TNNI3K: variants seen among roughly 807,000 people sequenced by gnomAD.
TNNI3K encodes the protein serine/threonine-protein kinase TNNI3K.
Under a neutral mutation model 114.5 loss-of-function variants are expected in TNNI3K, and 140 were observed. That is an observed-to-expected ratio of 1.22 (90% CI 1.07 to 1.41). The LOEUF (loss-of-function observed/expected upper bound fraction) is 1.41, where lower values mean the gene tolerates loss of function less well. Ranked by LOEUF, TNNI3K falls within the 40% of genes most tolerant of loss-of-function variation. The pLI is 0.00. For missense variants in TNNI3K, 1,125 were observed against 1,007.6 expected (o/e 1.12, Z -1.58); for synonymous variants, 347 against 347.5 (o/e 1.00, Z 0.02).
At chr1:74,285,510 T>C (rs1226902624) in intron 5 of TNNI3K, among the ~76,000 whole-genome samples, 1 of 118,064 alleles carries the variant, frequency 8.5e-6, no homozygotes, top group East Asian at 2.5e-4. Context: ...AGTTTTTCTA[T>C]GCTCTGAACA....
intron 23 of TNNI3K, among the ~76,000 whole-genome samples, chr1:74,529,807 T>C (rs1406253368): frequency 6.6e-6 from 1 of 152,220 alleles, no homozygotes; most frequent in East Asian, 1.9e-4. Context: ...TTCAGCCATT[T>C]GATTCCAAAG....
At chr1:74,478,694 T>C (rs1030676622) in intron 21 of TNNI3K, among the ~76,000 whole-genome samples, 5 of 152,242 alleles carry the variant, frequency 3.3e-5, no homozygotes, top group African/African-American at 9.6e-5. Flanking sequence ...CTGTTTCACT[T>C]TGCTTAACTT....
chr1:74,534,220 C>A (rs1002540173), intron 23 of TNNI3K, among the ~76,000 whole-genome samples: 1 of 108,006 alleles, frequency 9.3e-6, no homozygotes, highest in Non-Finnish European at 1.8e-5. Flanking sequence ...TTTAATTTCA[C>A]TCTTAACTTT....
chr1:74,528,927 C>T (rs757510899), intron 23 of TNNI3K, among the ~76,000 whole-genome samples: 33 of 152,160 alleles, frequency 2.2e-4, no homozygotes, highest in Non-Finnish European at 4.0e-4. Flanking sequence ...AAGCCTGAAA[C>T]ATCTTGCACC....
chr1:74,506,157 A>G (rs1023470324), intron 23 of TNNI3K, among the ~76,000 whole-genome samples: 4 of 152,170 alleles, frequency 2.6e-5, no homozygotes, highest in Non-Finnish European at 2.9e-5. Context: ...CAAAGGATAA[A>G]AAGAGAAGAC....
chr1:74,535,318 A>G (rs562724953), intron 23 of TNNI3K, among the ~76,000 whole-genome samples: 1 of 152,180 alleles, frequency 6.6e-6, no homozygotes, highest in East Asian at 1.9e-4. Flanking sequence ...AAAAATACAA[A>G]AAATTAGCCA....
At chr1:74,473,260 T>G (rs1668026767) in intron 21 of TNNI3K, among the ~76,000 whole-genome samples, 1 of 152,130 alleles carries the variant, frequency 6.6e-6, no homozygotes, top group Admixed American at 6.6e-5. Flanking sequence ...GAATGAGCTT[T>G]AAAGAAGTTG....
At chr1:74,530,832 T>C (rs933271876) in intron 23 of TNNI3K, among the ~76,000 whole-genome samples, 9 of 152,106 alleles carry the variant, frequency 5.9e-5, no homozygotes, top group African/African-American at 1.9e-4. Context: ...AAAGTCTGCC[T>C]CTTAATGGTT....
intron 5 of TNNI3K, among the ~76,000 whole-genome samples, chr1:74,327,538 GTATA>G (rs1659974655): frequency 6.9e-6 from 1 of 145,186 alleles, no homozygotes; most frequent in African/African-American, 2.5e-5. Context: ...TATATATTGA[GTATA>G]TATAATATAT....
intron 7 of TNNI3K, among the ~76,000 whole-genome samples, chr1:74,336,361 T>A (rs1337189562): frequency 2.6e-5 from 4 of 152,180 alleles, no homozygotes; most frequent in Non-Finnish European, 5.9e-5. Context: ...TTTTTATTTT[T>A]AATTATACTT....
intron 9 of TNNI3K, among the ~76,000 whole-genome samples, chr1:74,350,618 A>G (rs574806694): frequency 1.3e-3 from 194 of 152,126 alleles, no homozygotes; most frequent in African/African-American, 4.4e-3. Context: ...TTTGTAGGTC[A>G]CTAAGGACTT....
chr1:74,409,209 A>G (rs958444935), intron 17 of TNNI3K, among the ~76,000 whole-genome samples: 4 of 152,190 alleles, frequency 2.6e-5, no homozygotes, highest in African/African-American at 9.6e-5. Context: ...GCCCAAGGTC[A>G]TGTAACTAGG....
At chr1:74,465,706 A>C (rs1195627184) in intron 21 of TNNI3K, among the ~76,000 whole-genome samples, 1 of 152,212 alleles carries the variant, frequency 6.6e-6, no homozygotes, top group Non-Finnish European at 1.5e-5. Flanking sequence ...CACTAGGCAA[A>C]GCCAGCTGGG....
chr1:74,402,620 T>G (rs1193910657), intron 17 of TNNI3K, among the ~76,000 whole-genome samples: 3 of 152,226 alleles, frequency 2.0e-5, no homozygotes, highest in Non-Finnish European at 2.9e-5. Context: ...TTGTTAAACT[T>G]TTTTGGTAGA....
chr1:74,264,896 A>G (rs1357718040), intron 4 of TNNI3K, among the ~76,000 whole-genome samples: 1 of 152,068 alleles, frequency 6.6e-6, no homozygotes, highest in African/African-American at 2.4e-5. Context: ...GCATTTGCAC[A>G]TACATTATTT....
At chr1:74,511,980 A>T (rs1670250668) in intron 23 of TNNI3K, among the ~76,000 whole-genome samples, 1 of 152,212 alleles carries the variant, frequency 6.6e-6, no homozygotes, top group East Asian at 1.9e-4. Flanking sequence ...CATGGAGTCA[A>T]GTAAGTTCAG....
intron 3 of TNNI3K, among the ~76,000 whole-genome samples, 164 bp from the exon 4 acceptor site, chr1:74,250,508 C>A (rs1033900029): frequency 2.0e-5 from 3 of 152,166 alleles, no homozygotes; most frequent in Non-Finnish European, 4.4e-5. Context: ...GAAATATCCC[C>A]TAGTAAGTAA....
chr1:74,400,206 AGGAAG>A (rs1461683933), intron 17 of TNNI3K, among the ~76,000 whole-genome samples: 1 of 152,208 alleles, frequency 6.6e-6, no homozygotes, highest in African/African-American at 2.4e-5. Context: ...TAGACATCTG[AGGAAG>A]GGATCCCATG....
At chr1:74,404,148 C>A (rs899676864) in intron 17 of TNNI3K, among the ~76,000 whole-genome samples, 2 of 152,088 alleles carry the variant, frequency 1.3e-5, no homozygotes, top group Non-Finnish European at 2.9e-5. Context: ...GTATCTGAGT[C>A]ACCTAGAAAG....
Sources: gnomAD v4.1 joint callset for allele counts (sites outside exome capture counted in the v4.1 genomes callset) on GRCh38, gnomAD v4.1.1 for gene constraint, MANE v1.5 for transcripts, NCBI Gene and HGNC (gene_info 2026-07-23, HGNC 2026-07-21) for gene names.